ADGRB1: variants seen among roughly 807,000 people sequenced by gnomAD.
ADGRB1 encodes the protein brain-specific angiogenesis inhibitor 1.
A neutral mutation model predicts 175.7 loss-of-function variants in ADGRB1; 36 were observed. That is an observed-to-expected ratio of 0.20 (90% CI 0.16 to 0.27). ADGRB1 has a LOEUF of 0.27. Among genes scored for constraint, ADGRB1 ranks in the 10% least tolerant of loss-of-function variants. The pLI is 1.00. For missense variants in ADGRB1, 1,731 were observed against 2,255.3 expected, an observed-to-expected ratio of 0.77 and a Z score of 4.71; for synonymous variants, 1,054 against 979.4, an observed-to-expected ratio of 1.08 and a Z score of -1.42.
intron 23 of ADGRB1, among the ~76,000 whole-genome samples, chr8:142,525,274 G>A (rs1026692960): frequency 4.6e-5 from 7 of 151,952 alleles, no homozygotes; most frequent in East Asian, 1.9e-4. Context: ...TCCTCCAGGC[G>A]GGAGGCAGGA....
Position 142,492,103 on chromosome 8 carries a change from T to G in ADGRB1, c.2675+1288T>G, listed in dbSNP as rs74823869. ...ACCCTCTCCTCTGTCTGCCTGTTCT[T>G]TAATCTATACCCACTGCCACCACCC... On this transcript the variant is annotated intron_variant, in intron 17 of 30. Transcript: ENST00000517894. This position sits in a 1 kb window ranked among gnomAD's most constrained non-coding sequence, Gnocchi z 4.4. 0.042 allele frequency among the ~76,000 whole-genome samples: 6,435 copies of G among 152,016 alleles called. 397 individuals are homozygous for G. Among genetic ancestry groups the G allele is most frequent in the African/African-American group, 0.13 (5,376 of 41,406 alleles).
chr8:142,495,073 T>A, intron 17 of ADGRB1, among the ~76,000 whole-genome samples: 1 of 151,896 alleles, frequency 6.6e-6, no homozygotes, highest in East Asian at 1.9e-4. Flanking sequence ...GAATCAACAG[T>A]GGTTTATGAG....
chr8:142,479,810 C>G lies in ADGRB1; in HGVS notation c.1828+16C>G. 6.2e-7 allele frequency: 1 copy of G among 1,604,332 alleles called. No homozygotes were observed. Among genetic ancestry groups the G allele is most frequent in the Non-Finnish European group, 8.5e-7 (1 of 1,174,590 alleles). On this transcript the variant is annotated intron_variant, in intron 9 of 30. Coordinates refer to ENST00000517894, the MANE Select transcript of ADGRB1 (RefSeq NM_001702.3). The stretch of plus-strand genomic sequence containing the variant: ...AACGCCACAGGTGAGGGCTGGAGAG[C>G]ACGTGGTGTATGGGGGCTCCCGTCC...
intron 16 of ADGRB1, 124 bp from the exon 17 acceptor site, chr8:142,490,648 C>T (rs1587329779): frequency 8.8e-7 from 1 of 1,141,984 alleles, no homozygotes; most frequent in Non-Finnish European, 1.2e-6. Context: ...AAAACGCAGT[C>T]TGTTCAGGGA....
Position 142,543,760 on chromosome 8 carries a change from C to A in ADGRB1, c.4557+52C>A. On this transcript the variant is annotated intron_variant, in intron 30 of 30. Coordinates refer to ENST00000517894, the MANE Select transcript of ADGRB1 (RefSeq NM_001702.3). The surrounding 1 kb of genome is among the most constrained non-coding windows in gnomAD (Gnocchi z 4.4). Reference sequence around the variant, plus strand: ...GGGGAGAGCCCTTAGGTCAGGCCACCGTCTCCCTTCTTCCCTGGATTTGTG... The same window carrying A: ...GGGGAGAGCCCTTAGGTCAGGCCACAGTCTCCCTTCTTCCCTGGATTTGTG... The A allele has an allele frequency of 2.1e-6, 3 of 1,462,560 alleles. No individual in the cohort carries two copies. The highest frequency in any genetic ancestry group is 1.2e-5 in the South Asian group (1 of 82,208). 90.6% of individuals were successfully genotyped at this position (1,462,560 alleles called of 1,614,324 possible).
chr8:142,461,196 T>C (rs1839952159), intron 1 of ADGRB1, among the ~76,000 whole-genome samples: 1 of 152,140 alleles, frequency 6.6e-6, no homozygotes, highest in Non-Finnish European at 1.5e-5. Context: ...AGGCCTGAGC[T>C]GCATTCCAGG....
At chr8:142,514,469 G>C (rs769691270) in intron 18 of ADGRB1, among the ~76,000 whole-genome samples, 8 of 152,210 alleles carry the variant, frequency 5.3e-5, no homozygotes, top group Non-Finnish European at 7.3e-5. Context: ...CTGTCTCAGA[G>C]TGGTGGGGAC....
intron 17 of ADGRB1, among the ~76,000 whole-genome samples, chr8:142,499,279 T>C (rs1332612660): frequency 6.6e-6 from 1 of 152,218 alleles, no homozygotes; most frequent in Non-Finnish European, 1.5e-5. Flanking sequence ...CCCCCTCCTC[T>C]AGTCTTGGCT....
At position 142,493,259 on chromosome 8, in the gene ADGRB1, C is replaced by G. The variant is rs1229807584; in HGVS notation, c.2675+2444C>G. On this transcript the variant is annotated intron_variant, in intron 17 of 30. Transcript: ENST00000517894. This position sits in a 1 kb window ranked among gnomAD's most constrained non-coding sequence, Gnocchi z 5.0. ...ACTGCCCCAGGGACCCAACTGTGGC[C>G]GAAGAGGACATGCTGCGTGGCCTTG... 6.6e-6 allele frequency among the ~76,000 whole-genome samples: 1 copy of G among 152,048 alleles called. No individual in the cohort carries two copies. Among genetic ancestry groups the G allele is most frequent in the Non-Finnish European group, 1.5e-5 (1 of 67,986 alleles).
intron 30 of ADGRB1, 64 bp from the exon 31 acceptor site, chr8:142,544,156 A>G (rs1318233109): frequency 6.7e-7 from 1 of 1,499,602 alleles, no homozygotes; most frequent in Non-Finnish European, 9.0e-7. Context: ...CCTCCCCCCT[A>G]CTCCTCGGGC....
intron 27 of ADGRB1, 173 bp downstream of exon 27, chr8:142,539,586 G>A: frequency 3.9e-6 from 3 of 777,774 alleles, no homozygotes; most frequent in African/African-American, 1.7e-5. Context: ...TGCCCTGGGG[G>A]CCCAGCCTTC....
At chr8:142,518,087 G>A in intron 18 of ADGRB1, 51 bp from the exon 19 acceptor site, 1 of 1,574,130 alleles carries the variant, frequency 6.4e-7, no homozygotes, top group Non-Finnish European at 8.7e-7. Context: ...GGTCTGCCGA[G>A]TGGGCGAGTG....
intron 17 of ADGRB1, among the ~76,000 whole-genome samples, chr8:142,501,250 G>T (rs561108461): frequency 4.6e-5 from 7 of 152,258 alleles, no homozygotes; most frequent in African/African-American, 1.2e-4. Context: ...TGACTGTGCT[G>T]TTAATGGCAG....
At chr8:142,544,114 CCCGTCCCTT>C in intron 30 of ADGRB1, 97 bp from the exon 31 acceptor site, 1 of 1,239,102 alleles carries the variant, frequency 8.1e-7, no homozygotes, top group Non-Finnish European at 1.1e-6. Flanking sequence ...TCCCCCACCT[CCCGTCCCTT>C]CCTCACTGAT....
chr8:142,520,467 G>GTGATGGTTGTGT (rs1563736044), intron 19 of ADGRB1, among the ~76,000 whole-genome samples: 1 of 116,282 alleles, frequency 8.6e-6, no homozygotes, highest in African/African-American at 3.5e-5. Context: ...GGTGGTGGTG[G>GTGATGGTTGTGT]TGGTGATGGT....
Position 142,495,998 on chromosome 8 carries a change from GTAGA to G in ADGRB1, c.2675+5189_2675+5192del, listed in dbSNP as rs539439526. ...GGGTGGCTGGATGGATGTGTAAATG[GTAGA>G]TAGATGGATGAGTGAATAGGTGAAT... On this transcript the variant is annotated intron_variant, in intron 17 of 30. Transcript: ENST00000517894. Among the ~76,000 whole-genome samples, 36 of 151,500 alleles carry G rather than the reference GTAGA, an allele frequency of 2.4e-4. No individual in the cohort carries two copies. In the South Asian group the frequency reaches 4.2e-3, roughly 18 times the overall value.
At chr8:142,535,524 C>A (rs1844873033) in intron 25 of ADGRB1, among the ~76,000 whole-genome samples, 1 of 152,180 alleles carries the variant, frequency 6.6e-6, no homozygotes, top group South Asian at 2.1e-4. Context: ...CCCAGGTCCT[C>A]AGCCTCGGGG....
At position 142,461,725 on chromosome 8, in the gene ADGRB1, G is replaced by A. The variant is rs76278835; in HGVS notation, c.-219-2255G>A. Reference sequence around the variant, plus strand: ...TCTTGAGCTGTGCGGGTCCCTCTGGGGTGAAGGTGGTGCATCTGGGGCTGA... The same window carrying A: ...TCTTGAGCTGTGCGGGTCCCTCTGGAGTGAAGGTGGTGCATCTGGGGCTGA... On this transcript the variant is annotated intron_variant, in intron 1 of 30. Transcript: ENST00000517894. Among the ~76,000 whole-genome samples the A allele has an allele frequency of 7.3e-4, 111 of 152,314 alleles. 2 individuals are homozygous for A. In the East Asian group the frequency reaches 0.016, roughly 23 times the overall value.
In ADGRB1 at chr8:142,544,343, G is replaced by A. The variant is rs1311761730; in HGVS notation, c.4681G>A (p.Val1561Met). The A allele has an allele frequency of 8.4e-6, 13 of 1,547,250 alleles. No homozygotes were observed. Among genetic ancestry groups the A allele is most frequent in the Middle Eastern group, 1.7e-4 (1 of 5,744 alleles). The change falls in exon 31 of 31, where the codon GTG becomes ATG. Residue 1561 changes from valine (V) to methionine (M), a missense_variant. This residue lies in a region of ADGRB1 where 394 missense variants were observed against 410.2 expected (regional missense o/e 0.96). Coordinates refer to ENST00000517894, the MANE Select transcript of ADGRB1 (RefSeq NM_001702.3). The part of the protein sequence containing the change: ...LQPSPLELRS[V>M]EWERSGATIP... ...GCCGTCGCCGCTGGAGCTTCGCAGC[G>A]TGGAGTGGGAGAGGTCGGGCGCCAC... is the stretch of plus-strand genomic sequence containing the variant.
Sources: gnomAD v4.1 joint callset for allele counts (sites outside exome capture counted in the v4.1 genomes callset) on GRCh38, gnomAD v4.1.1 for gene constraint, gnomAD v4.1.1 regional missense constraint, Gnocchi (gnomAD v3.1) non-coding constraint, MANE v1.5 for transcripts, NCBI Gene and HGNC (gene_info 2026-07-23, HGNC 2026-07-21) for gene names.